ANKDD1B: variants seen among roughly 807,000 people sequenced by gnomAD.
The protein encoded by ANKDD1B is ankyrin repeat and death domain containing 1B.
In ANKDD1B, 57 loss-of-function variants were observed where a neutral mutation model predicts 59.7. The ratio of observed to expected loss-of-function variants is 0.95; its 90% confidence interval spans 0.77 to 1.19. The LOEUF (loss-of-function observed/expected upper bound fraction) is 1.19. Among genes scored for constraint, ANKDD1B ranks in the 50% most tolerant of loss-of-function variants. The pLI, the probability that ANKDD1B is intolerant of heterozygous loss-of-function variation, is 0.00. For missense variants in ANKDD1B, 602 were observed against 641.9 expected (o/e 0.94, Z 0.67); for synonymous variants, 216 against 239.5 (o/e 0.90, Z 0.91).
chr5:75,624,689 A>G (rs1773944434), intron 3 of ANKDD1B, among the ~76,000 whole-genome samples: 1 of 152,134 alleles, frequency 6.6e-6, no homozygotes, highest in Admixed American at 6.5e-5. Context: ...ACCATACTTA[A>G]CAATCTGAGA....
At chr5:75,661,245 A>G (rs544384052) in intron 10 of ANKDD1B, among the ~76,000 whole-genome samples, 286 of 151,790 alleles carry the variant, frequency 1.9e-3, no homozygotes, top group African/African-American at 6.4e-3. Context: ...AAAAATACAC[A>G]AATCAGCCGG....
intron 2 of ANKDD1B, among the ~76,000 whole-genome samples, chr5:75,618,750 T>C (rs938163541): frequency 6.6e-6 from 1 of 151,868 alleles, no homozygotes; most frequent in Non-Finnish European, 1.5e-5. Flanking sequence ...TTTTGTTTTG[T>C]TTTGTTTTGT....
At chr5:75,634,667 T>G in intron 5 of ANKDD1B, 1 of 437,434 alleles carries the variant, frequency 2.3e-6, no homozygotes, top group Non-Finnish European at 4.2e-6. Flanking sequence ...TTCTGAACAG[T>G]ATTTGTGTGC....
At chr5:75,668,777 G>C (rs1272088856) in intron 12 of ANKDD1B, among the ~76,000 whole-genome samples, 1 of 152,218 alleles carries the variant, frequency 6.6e-6, no homozygotes, top group Non-Finnish European at 1.5e-5. Context: ...AGACTGGAGT[G>C]GCAGAATGAA....
intron 7 of ANKDD1B, among the ~76,000 whole-genome samples, chr5:75,642,572 C>T (rs1166979963): frequency 7.3e-5 from 10 of 137,302 alleles, no homozygotes; most frequent in African/African-American, 2.7e-4. Flanking sequence ...GAGACTATAT[C>T]CCACACCTGG....
intron 7 of ANKDD1B, among the ~76,000 whole-genome samples, chr5:75,640,970 A>G (rs1317445427): frequency 6.6e-6 from 1 of 152,206 alleles, no homozygotes; most frequent in African/African-American, 2.4e-5. Context: ...TCTTAGAAAC[A>G]GACACTCTAT....
At chr5:75,615,658 CT>C (rs1480781364) in intron 1 of ANKDD1B, among the ~76,000 whole-genome samples, 1 of 146,082 alleles carries the variant, frequency 6.8e-6, no homozygotes, top group Admixed American at 6.7e-5. Flanking sequence ...CTGCCTTCAC[CT>C]GGTCTTCCCT....
rs1275082352 is a variant in ANKDD1B at position 75,635,817 on chromosome 5, C to T, written c.733C>T (p.His245Tyr). The change falls in exon 7 of 14, where the codon CAT (histidine) becomes TAT (tyrosine). Residue 245 changes from histidine (H) to tyrosine (Y), a missense_variant. Physicochemically the swap from His to Tyr is moderately conservative, Grantham distance 83. Transcript: ENST00000601380. ...GNTALHLAAK[H>Y]GHSPAVQVLL... is the part of the protein sequence containing the mutation. ...CACTGCCTTGCACCTCGCTGCGAAGCATGGTCACAGTCCTGCAGTGCAGGT... is the reference window on the plus strand; with the variant it reads ...CACTGCCTTGCACCTCGCTGCGAAGTATGGTCACAGTCCTGCAGTGCAGGT... 5.9e-6 allele frequency: 9 copies of T among 1,533,344 alleles called. No homozygotes were observed. In the African/African-American group the frequency reaches 6.9e-5, roughly 12 times the overall value. 95.0% of individuals were successfully genotyped at this position (1,533,344 alleles called of 1,614,324 possible).
In ANKDD1B at chr5:75,666,994, G is replaced by C; in HGVS notation, c.1393+1G>C. The C allele has an allele frequency of 2.0e-6, 3 of 1,468,758 alleles. No individual in the cohort carries two copies. The highest frequency in any genetic ancestry group is 2.8e-5 in the South Asian group (2 of 71,030). The allele number at this position is 1,468,758 out of a possible 1,614,324, so 91.0% of individuals were successfully genotyped here. ...AGAGCCATTGAGGAGCAGTGGTCGG[G>C]TGAGTACAGACTAGATGATGTGGGC... On this transcript the variant is annotated splice_donor_variant, in intron 12 of 13. Coordinates refer to ENST00000601380, the MANE Select transcript of ANKDD1B (RefSeq NM_001276713.2). LOFTEE classifies it high-confidence loss of function.
At chr5:75,640,935 G>T (rs1380178782) in intron 7 of ANKDD1B, among the ~76,000 whole-genome samples, 1 of 152,162 alleles carries the variant, frequency 6.6e-6, no homozygotes, top group South Asian at 2.1e-4. Flanking sequence ...TGAAAATGGG[G>T]CAAAATGAGC....
At chr5:75,640,545 C>G (rs1024216660) in intron 7 of ANKDD1B, among the ~76,000 whole-genome samples, 39 of 152,308 alleles carry the variant, frequency 2.6e-4, no homozygotes, top group Admixed American at 1.8e-3. Context: ...TGTTGTTTGT[C>G]AAGTAATTTC....
chr5:75,659,689 T>A (rs922535268), intron 10 of ANKDD1B, among the ~76,000 whole-genome samples: 1 of 152,182 alleles, frequency 6.6e-6, no homozygotes, highest in Admixed American at 6.5e-5. Context: ...CCCACCCCTG[T>A]TCCTACTTGT....
intron 5 of ANKDD1B, chr5:75,634,537 T>G (rs1774247311): frequency 5.7e-6 from 1 of 174,758 alleles, no homozygotes; most frequent in East Asian, 1.4e-4. Context: ...ACATAGTAGC[T>G]TCTCAGTAAA....
At chr5:75,629,408 C>T (rs1364116545) in intron 5 of ANKDD1B, among the ~76,000 whole-genome samples, 2 of 152,104 alleles carry the variant, frequency 1.3e-5, no homozygotes, top group Non-Finnish European at 2.9e-5. Context: ...CCACCAGCGC[C>T]TCTCCTCAGG....
intron 3 of ANKDD1B, among the ~76,000 whole-genome samples, chr5:75,622,843 G>A (rs1395332871): frequency 2.6e-5 from 4 of 152,054 alleles, no homozygotes; most frequent in Admixed American, 1.3e-4. Flanking sequence ...GGTTCTTCTC[G>A]GGGAGTTTAC....
At chr5:75,642,274 C>G (rs1329030668) in intron 7 of ANKDD1B, among the ~76,000 whole-genome samples, 2 of 152,064 alleles carry the variant, frequency 1.3e-5, no homozygotes, top group African/African-American at 4.8e-5. Context: ...CAGCTCCGGT[C>G]TACAGCTCCC....
At chr5:75,637,240 CAAAAAAAAAAAAAAAAAA>C (rs55640131) in intron 7 of ANKDD1B, among the ~76,000 whole-genome samples, 5 of 69,934 alleles carry the variant, frequency 7.1e-5, no homozygotes, top group East Asian at 4.6e-4. Context: ...GACTCTGTCT[CAAAAAAAAAAAAAAAAAA>C]AAAAAAAAAA....
At chr5:75,648,000 G>A (rs1407833210) in intron 7 of ANKDD1B, among the ~76,000 whole-genome samples, 18 of 118,700 alleles carry the variant, frequency 1.5e-4, no homozygotes, top group African/African-American at 3.8e-4. Flanking sequence ...ACTATCACAA[G>A]AACAAAAAAC....
chr5:75,622,677 A>G (rs1773883435), intron 3 of ANKDD1B, among the ~76,000 whole-genome samples: 1 of 152,232 alleles, frequency 6.6e-6, no homozygotes, highest in African/African-American at 2.4e-5. Flanking sequence ...GGCCTCACCT[A>G]TGACGAGACT....
Sources: gnomAD v4.1 joint callset for allele counts (sites outside exome capture counted in the v4.1 genomes callset) on GRCh38, gnomAD v4.1.1 for gene constraint, MANE v1.5 for transcripts, NCBI Gene and HGNC (gene_info 2026-07-23, HGNC 2026-07-21) for gene names.